The following APC variants were observed in gnomAD, a reference collection of about 807,000 sequenced individuals.
APC encodes adenomatous polyposis coli protein.
Under a neutral mutation model 247.0 loss-of-function variants are expected in APC, and 72 were observed. The observed-to-expected ratio is 0.29, with a 90% CI of 0.24 to 0.35. The LOEUF is 0.35. Ranked by LOEUF, APC falls within the 10% of genes least tolerant of loss-of-function variation. The pLI is 1.00. For missense variants in APC, 3,400 were observed against 3,360.7 expected (o/e 1.01, Z -0.29); for synonymous variants, 1,254 against 1,162.5 (o/e 1.08, Z -1.60).
intron 3 of APC, 115 bp from the exon 4 acceptor site, chr5:112,767,074 A>G: frequency 3.1e-6 from 3 of 970,028 alleles, no homozygotes; most frequent in South Asian, 1.5e-5. Context: ...TCAGTCATGT[A>G]TATTTGTGGT....
At chr5:112,834,888 T>A in intron 14 of APC, 63 bp from the exon 15 acceptor site, 1 of 1,405,800 alleles carries the variant, frequency 7.1e-7, no homozygotes, top group South Asian at 1.2e-5. Flanking sequence ...ATCAGTAACA[T>A]AGAAGTTAAT....
At chr5:112,744,218 A>G (rs1753377955) in intron 1 of APC, among the ~76,000 whole-genome samples, 1 of 152,114 alleles carries the variant, frequency 6.6e-6, no homozygotes, top group African/African-American at 2.4e-5. Context: ...GAATAATAAG[A>G]TACCTAAATA....
intron 2 of APC, among the ~76,000 whole-genome samples, chr5:112,756,134 C>T (rs1241903041): frequency 6.6e-6 from 1 of 152,176 alleles, no homozygotes; most frequent in Non-Finnish European, 1.5e-5. Flanking sequence ...TTCCCTTATT[C>T]TCCAGACTTT....
intron 1 of APC, among the ~76,000 whole-genome samples, chr5:112,720,645 G>C (rs578152390): frequency 1.3e-5 from 2 of 152,288 alleles, no homozygotes; most frequent in African/African-American, 4.8e-5. Context: ...GCAAAGAGTG[G>C]CATAGGTAGA....
At position 112,838,752 on chromosome 5, in the gene APC, A is replaced by G. The variant is rs2149885638; in HGVS notation, c.3158A>G (p.Lys1053Arg). 1.2e-6 allele frequency: 2 copies of G among 1,614,168 alleles called. No homozygotes were observed. Among genetic ancestry groups the G allele is most frequent in the East Asian group, 2.2e-5 (1 of 44,872 alleles). The change falls in exon 16 of 16, where the codon AAA (lysine) becomes AGA (arginine). Residue 1053 changes from lysine (K) to arginine (R), a missense_variant. By Grantham distance (26) the Lys-to-Arg change is conservative. Around this residue, in one of 9 missense-constraint regions of APC, gnomAD observed 715 missense variants for 656.6 expected, o/e 1.09. Transcript: ENST00000257430. ...PSQNERWARPKHIIEDEIKQS... is the reference protein window; with the variant it reads ...PSQNERWARPRHIIEDEIKQS... ...CAGAATGAAAGATGGGCAAGACCCA[A>G]ACACATAATAGAAGATGAAATAAAA...
intron 1 of APC, among the ~76,000 whole-genome samples, chr5:112,747,411 G>A (rs1206787797): frequency 5.3e-5 from 8 of 152,080 alleles, no homozygotes; most frequent in Non-Finnish European, 1.2e-4. Context: ...GAAAAGAAAT[G>A]GTTTGTTTAA....
At chr5:112,711,500 A>G (rs528452346) in intron 1 of APC, among the ~76,000 whole-genome samples, 49 of 152,294 alleles carry the variant, frequency 3.2e-4, no homozygotes, top group African/African-American at 9.6e-4. Context: ...CTGATTCTGT[A>G]TTTCTCAGGA....
rs1753878079 is a variant in APC, at chr5:112,748,016, A to G, written c.-18-6857A>G. Among the ~76,000 whole-genome samples, 4 of 152,184 alleles carry G rather than the reference A, an allele frequency of 2.6e-5. No individual in the cohort carries two copies. In the South Asian group the frequency reaches 8.3e-4, roughly 31 times the overall value. ...TTGGGGCTGCTTTTGTGCTACAGCT[A>G]CAAAGTCAAGTAGTTGCAACAGAAA... On this transcript the variant is annotated intron_variant, in intron 1 of 15. Transcript: ENST00000257430.
At chr5:112,736,702 T>C (rs531507183), upstream of APC, among the ~76,000 whole-genome samples, 62 of 152,192 alleles carry the variant, frequency 4.1e-4, 1 homozygote, top group East Asian at 7.9e-3. Flanking sequence ...GATCACAAGG[T>C]CAGGAGATTG....
chr5:112,775,654 A>G lies in APC; in HGVS notation c.448A>G (p.Lys150Glu). Residue 150 changes from lysine to glutamate, a missense_variant, in exon 5 of 16, where the codon AAA (lysine) becomes GAA (glutamate). Coordinates refer to ENST00000257430, the MANE Select transcript of APC (RefSeq NM_000038.6). ...GTCATTGCTTCTTGCTGATCTTGAC[A>G]AAGAAGAAAAGGAAAAAGACTGGTA... ...ERSLLLADLD[K>E]EEKEKDWYYA... 2 of 1,607,476 alleles carry G rather than the reference A, an allele frequency of 1.2e-6. No individual in the cohort carries two copies. Among genetic ancestry groups the G allele is most frequent in the East Asian group, 2.2e-5 (1 of 44,668 alleles).
intron 1 of APC, among the ~76,000 whole-genome samples, chr5:112,712,846 A>G (rs1301397660): frequency 6.6e-6 from 1 of 152,122 alleles, no homozygotes; most frequent in Non-Finnish European, 1.5e-5. Context: ...TAGGCCCCCA[A>G]GTTGTATAAT....
Position 112,843,373 on chromosome 5 carries a change from C to T in APC, c.7779C>T (p.Asn2593=), listed in dbSNP as rs1425732484. Residue 2593 remains asparagine (N), a synonymous_variant, in exon 16 of 16, where the codon AAC becomes AAT. Coordinates refer to ENST00000257430, the MANE Select transcript of APC (RefSeq NM_000038.6). The surrounding 1 kb of genome is among the most constrained non-coding windows in gnomAD (Gnocchi z 4.8). ...AAAGTGAGGATGAAAAACATGTGAA[C>T]TCTATTTCAGGAACCAAACAAAGTA... ...KAKSEDEKHV[N]SISGTKQSKE... 1 of 1,613,830 alleles carries T rather than the reference C, an allele frequency of 6.2e-7. No individual in the cohort carries two copies.
intron 10 of APC, among the ~76,000 whole-genome samples, chr5:112,820,691 T>C (rs1022823415): frequency 3.3e-5 from 5 of 152,202 alleles, no homozygotes; most frequent in African/African-American, 1.2e-4. Context: ...GATACTTCTT[T>C]TGAGAAGTTT....
intron 1 of APC, among the ~76,000 whole-genome samples, chr5:112,709,500 G>A (rs563139532): frequency 1.3e-5 from 2 of 152,316 alleles, no homozygotes; most frequent in Non-Finnish European, 2.9e-5. Flanking sequence ...GTTTGAAGGG[G>A]CAGTAGCAAA....
intron 1 of APC, among the ~76,000 whole-genome samples, chr5:112,722,850 C>G (rs979983292): frequency 2.0e-5 from 3 of 152,126 alleles, no homozygotes; most frequent in African/African-American, 7.2e-5. Flanking sequence ...TGTCTGAACC[C>G]TGTCCTCTTG....
At chr5:112,732,930 A>C (rs976103469), upstream of APC, among the ~76,000 whole-genome samples, 36 of 152,358 alleles carry the variant, frequency 2.4e-4, no homozygotes, top group African/African-American at 8.4e-4. Context: ...CATAATACAT[A>C]ATGATCCTTA....
At chr5:112,826,320 T>G (rs1763653848) in intron 11 of APC, among the ~76,000 whole-genome samples, 1 of 152,218 alleles carries the variant, frequency 6.6e-6, no homozygotes, top group African/African-American at 2.4e-5. Context: ...TTTTGTTCAC[T>G]TCCTCACCAT....
chr5:112,784,456 C>G lies in APC; in HGVS notation c.645+3553C>G, dbSNP rs954424846. ...ATTTGCCAAAATTAAAATGCCTGTG[C>G]TCTATGACCGTGTGTTTCTATAGGA... On this transcript the variant is annotated intron_variant, in intron 6 of 15. Coordinates refer to ENST00000257430, the MANE Select transcript of APC (RefSeq NM_000038.6). Among the ~76,000 whole-genome samples, 12 of 152,304 alleles carry G rather than the reference C, an allele frequency of 7.9e-5. No individual in the cohort carries two copies. In the East Asian group the frequency reaches 2.3e-3, roughly 29 times the overall value.
At chr5:112,832,595 A>G (rs1263498005) in intron 14 of APC, among the ~76,000 whole-genome samples, 1 of 152,186 alleles carries the variant, frequency 6.6e-6, no homozygotes, top group Non-Finnish European at 1.5e-5. Context: ...GTTCCCCATC[A>G]TGGACTGTGA....
Sources: gnomAD v4.1 joint callset for allele counts (sites outside exome capture counted in the v4.1 genomes callset) on GRCh38, gnomAD v4.1.1 for gene constraint, gnomAD v4.1.1 regional missense constraint, Gnocchi (gnomAD v3.1) non-coding constraint, MANE v1.5 for transcripts, NCBI Gene and HGNC (gene_info 2026-07-23, HGNC 2026-07-21) for gene names.